The following ADGRE2 variants were observed in gnomAD, a reference collection of about 807,000 sequenced individuals.
ADGRE2 encodes adhesion G protein-coupled receptor E2.
Under a neutral mutation model 100.8 loss-of-function variants are expected in ADGRE2, and 83 were observed. The ratio of observed to expected loss-of-function variants is 0.82; its 90% confidence interval spans 0.69 to 0.99. The LOEUF (loss-of-function observed/expected upper bound fraction) is 0.99. Among genes scored for constraint, ADGRE2 ranks in the 50% least tolerant of loss-of-function variants. The probability of loss-of-function intolerance (pLI) is 0.00; values close to 1 mark genes in which losing one functional copy is unlikely to be tolerated. For synonymous variants in ADGRE2, 355 were observed against 413.0 expected (o/e 0.86, Z 1.70); for missense variants, 814 against 1,035.7 (o/e 0.79, Z 2.94).
rs2042702486 is a variant in ADGRE2, at chr19:14,733,775, A to G, written c.*2461T>C. On this transcript the variant is annotated 3_prime_UTR_variant, in exon 21 of 21. Transcript: ENST00000315576. ...TTTGTGTTTCTTTCCTCTTTCTTTA[A>G]TTCTTACACTGACCTAGTGGTGGAG... 1.3e-5 allele frequency: 2 copies of G among 152,112 alleles called. No individual in the cohort carries two copies. Among genetic ancestry groups the G allele is most frequent in the Admixed American group, 6.6e-5 (1 of 15,252 alleles). The allele number at this position is 152,112 out of a possible 1,614,324, so 9.4% of individuals were successfully genotyped here. A position where few individuals can be genotyped will look rare whatever the true frequency, so the allele number is the denominator to read the frequency against.
chr19:14,738,700 T>C (rs1469387910), intron 20 of ADGRE2, among the ~76,000 whole-genome samples: 3 of 152,096 alleles, frequency 2.0e-5, no homozygotes, highest in Non-Finnish European at 4.4e-5. Flanking sequence ...TTCCATATCT[T>C]TTCCATCTCC....
At position 14,766,914 on chromosome 19, in the gene ADGRE2, G is replaced by A. The variant is rs971497806; in HGVS notation, c.487+64C>T. 3.2e-6 allele frequency: 5 copies of A among 1,573,076 alleles called. No individual in the cohort carries two copies. In the African/African-American group the frequency reaches 6.9e-5, roughly 22 times the overall value. On this transcript the variant is annotated intron_variant, in intron 6 of 20. Transcript: ENST00000315576. ...CTCCCTCCTCCTCGGCTGCTTTGGA[G>A]GACCTGACTCAGCTCCATCCCCAGC...
chr19:14,766,013 G>A, intron 7 of ADGRE2: 1 of 919,256 alleles, frequency 1.1e-6, no homozygotes, highest in Non-Finnish European at 1.7e-6. Context: ...CTTCCTCCCA[G>A]TGAGTCATCA....
chr19:14,755,270 C>T, intron 13 of ADGRE2, 143 bp from the exon 14 acceptor site: 1 of 497,596 alleles, frequency 2.0e-6, no homozygotes, highest in Admixed American at 4.9e-5. Context: ...CCCATCTCTA[C>T]TAAAAAAAAA....
chr19:14,733,334 C>T lies in ADGRE2; in HGVS notation c.*2902G>A, dbSNP rs1199492005. 2 of 151,820 alleles carry T rather than the reference C, an allele frequency of 1.3e-5. No homozygotes were observed. Among genetic ancestry groups the T allele is most frequent in the Admixed American group, 1.3e-4 (2 of 15,230 alleles). The allele number at this position is 151,820 out of a possible 1,614,324, so 9.4% of individuals were successfully genotyped here. A position where few individuals can be genotyped will look rare whatever the true frequency, so the allele number is the denominator to read the frequency against. On this transcript the variant is annotated 3_prime_UTR_variant, in exon 21 of 21. Transcript: ENST00000315576. ...TACTTTTTTAAAAACTATAAGCAGC[C>T]AAAAAAAGCAGACAGTAAAATGCAG...
downstream of ADGRE2, among the ~76,000 whole-genome samples, chr19:14,729,820 C>A (rs1599766908): frequency 1.3e-5 from 2 of 152,144 alleles, no homozygotes; most frequent in Admixed American, 1.3e-4. Context: ...CATTAATTTG[C>A]TAGATCTGGT....
In ADGRE2 at chr19:14,733,161, GGT is replaced by G. The variant is rs2042692384; in HGVS notation, c.*3073_*3074del. On this transcript the variant is annotated 3_prime_UTR_variant, in exon 21 of 21. Transcript: ENST00000315576. ...ATGTAATAAAAGGCAGATATTATGT[GGT>G]CTCTTGAACCAGCCTTAGGCATGGA... The G allele has an allele frequency of 6.6e-6, 1 of 152,136 alleles. No homozygotes were observed. The highest frequency in any genetic ancestry group is 2.4e-5 in the African/African-American group (1 of 41,408). The allele number at this position is 152,136 out of a possible 1,614,324, so 9.4% of individuals were successfully genotyped here.
intron 11 of ADGRE2, among the ~76,000 whole-genome samples, chr19:14,758,572 T>A (rs566089125): frequency 6.6e-6 from 1 of 152,186 alleles, no homozygotes; most frequent in East Asian, 1.9e-4. Context: ...GAGTGGAGAT[T>A]TAATAGGCGA....
intron 11 of ADGRE2, among the ~76,000 whole-genome samples, chr19:14,761,812 G>A (rs1482863756): frequency 2.0e-5 from 3 of 152,154 alleles, no homozygotes; most frequent in Non-Finnish European, 2.9e-5. Context: ...TTATGTAAAC[G>A]TCACACCTGT....
chr19:14,731,188 T>C, downstream of ADGRE2: 1 of 1,534,652 alleles, frequency 6.5e-7, no homozygotes. Context: ...CCCAACTAAT[T>C]TGGAAGAATT....
At chr19:14,747,181 A>G (rs1474447700) in intron 16 of ADGRE2, among the ~76,000 whole-genome samples, 1 of 152,186 alleles carries the variant, frequency 6.6e-6, no homozygotes, top group Non-Finnish European at 1.5e-5. Context: ...CAAGGAAGAT[A>G]CACACAATCA....
At chr19:14,731,143 C>G, downstream of ADGRE2, 1 of 1,532,010 alleles carries the variant, frequency 6.5e-7, no homozygotes, top group Non-Finnish European at 8.7e-7. Context: ...TTCTCTTTCC[C>G]TCATTCTTCC....
At chr19:14,728,138 G>T (rs917204145), downstream of ADGRE2, among the ~76,000 whole-genome samples, 1 of 152,218 alleles carries the variant, frequency 6.6e-6, no homozygotes, top group Non-Finnish European at 1.5e-5. Context: ...GCGTGAGCCT[G>T]GGAAGCGGAG....
intron 20 of ADGRE2, among the ~76,000 whole-genome samples, chr19:14,738,969 CTT>C (rs68029679): frequency 0.19 from 19,634 of 104,558 alleles, 1,277 homozygotes; most frequent in Middle Eastern, 0.25. Flanking sequence ...CTTTTCTTTT[CTT>C]TTTTTTTTTT....
intron 1 of ADGRE2, among the ~76,000 whole-genome samples, chr19:14,777,273 G>T (rs2147616968): frequency 6.6e-6 from 1 of 152,304 alleles, no homozygotes; most frequent in South Asian, 2.1e-4. Flanking sequence ...CAGAGCTTTG[G>T]CATGCCAGAG....
chr19:14,768,193 C>G (rs983431311), intron 5 of ADGRE2, among the ~76,000 whole-genome samples: 1 of 149,732 alleles, frequency 6.7e-6, no homozygotes, highest in African/African-American at 2.6e-5. Context: ...AGCCCAGCTC[C>G]AGGCACATGG....
chr19:14,766,111 A>G (rs772076678), intron 7 of ADGRE2, 124 bp downstream of exon 7: 4 of 1,531,194 alleles, frequency 2.6e-6, no homozygotes, highest in Middle Eastern at 1.7e-4. Flanking sequence ...CTAGCCTCAG[A>G]AGAATGAACG....
intron 5 of ADGRE2, among the ~76,000 whole-genome samples, chr19:14,770,601 A>AT (rs1198907972): frequency 6.7e-6 from 1 of 150,122 alleles, no homozygotes; most frequent in Non-Finnish European, 1.5e-5. Context: ...CATTCCCCAA[A>AT]TGGGGCTGTG....
At chr19:14,744,777 T>G (rs529380524) in intron 18 of ADGRE2, among the ~76,000 whole-genome samples, 175 of 151,562 alleles carry the variant, frequency 1.2e-3, no homozygotes, top group African/African-American at 3.9e-3. Flanking sequence ...TTAATGTTGA[T>G]TAGGATTTTC....
Sources: gnomAD v4.1 joint callset for allele counts (sites outside exome capture counted in the v4.1 genomes callset) on GRCh38, gnomAD v4.1.1 for gene constraint, MANE v1.5 for transcripts, NCBI Gene and HGNC (gene_info 2026-07-23, HGNC 2026-07-21) for gene names.